The following MYOM1 variants were observed in gnomAD, a reference collection of about 807,000 sequenced individuals.
The protein encoded by MYOM1 is myomesin-1.
MYOM1 carries 164 observed loss-of-function variants against 205.3 expected under a neutral mutation model. That is an observed-to-expected ratio of 0.80 (90% confidence interval 0.70 to 0.91). MYOM1 has a LOEUF of 0.91. Ranked by LOEUF, MYOM1 falls within the 40% of genes least tolerant of loss-of-function variation. The probability of loss-of-function intolerance (pLI) is 0.00; values close to 1 mark genes in which losing one functional copy is unlikely to be tolerated. For missense variants in MYOM1, 2,011 were observed against 2,127.3 expected (o/e 0.95, Z 1.08); for synonymous variants, 772 against 789.4 (o/e 0.98, Z 0.37).
At chr18:3,146,458 C>T (rs986729751) in intron 13 of MYOM1, among the ~76,000 whole-genome samples, 9 of 151,996 alleles carry the variant, frequency 5.9e-5, no homozygotes, top group African/African-American at 1.4e-4. Flanking sequence ...TATTTTATTT[C>T]GGTTTAATAA....
At chr18:3,151,410 T>C (rs1456531114) in intron 12 of MYOM1, among the ~76,000 whole-genome samples, 1 of 150,372 alleles carries the variant, frequency 6.7e-6, no homozygotes, top group East Asian at 1.9e-4. Flanking sequence ...GGAACTCAGT[T>C]TAACAACATA....
At chr18:3,151,095 A>C (rs1228203345) in intron 12 of MYOM1, among the ~76,000 whole-genome samples, 1 of 145,248 alleles carries the variant, frequency 6.9e-6, no homozygotes, top group East Asian at 2.0e-4. Context: ...CTCCCACCTT[A>C]GCCTCTCCAA....
At chr18:3,153,221 G>A (rs139606663) in intron 11 of MYOM1, among the ~76,000 whole-genome samples, 3 of 152,324 alleles carry the variant, frequency 2.0e-5, no homozygotes, top group Admixed American at 6.5e-5. Flanking sequence ...TCCGCAGCAC[G>A]TTGGAGCAGA....
At chr18:3,077,105 T>G (rs974386378) in intron 34 of MYOM1, among the ~76,000 whole-genome samples, 1 of 151,756 alleles carries the variant, frequency 6.6e-6, no homozygotes, top group Non-Finnish European at 1.5e-5. Context: ...CTCGAACTCC[T>G]GGGCTCACAT....
intron 3 of MYOM1, 70 bp downstream of exon 3, chr18:3,193,748 A>T (rs2080952570): frequency 6.9e-7 from 1 of 1,444,712 alleles, no homozygotes; most frequent in African/African-American, 1.4e-5. Context: ...TATGACTATA[A>T]TCTGCCATTC....
the MYOM1 span, among the ~76,000 whole-genome samples, chr18:3,244,957 GA>G: frequency 7.0e-3 from 991 of 141,062 alleles, 14 homozygotes; most frequent in Middle Eastern, 0.033. Context: ...ATTTAAAAAG[GA>G]AAAAAAAAAA....
chr18:3,128,397 T>C (rs1029431357), intron 18 of MYOM1, among the ~76,000 whole-genome samples: 6 of 152,228 alleles, frequency 3.9e-5, no homozygotes, highest in Non-Finnish European at 5.9e-5. Context: ...CAGTTCATTG[T>C]TGTTTGATAG....
intron 2 of MYOM1, 78 bp downstream of exon 2, chr18:3,214,856 G>A (rs904386804): frequency 9.0e-6 from 13 of 1,449,968 alleles, no homozygotes; most frequent in South Asian, 2.9e-5. Flanking sequence ...GAAACAAAGC[G>A]AGAAGTAACT....
chr18:3,138,267 G>A (rs2079998787), intron 14 of MYOM1, among the ~76,000 whole-genome samples: 2 of 152,304 alleles, frequency 1.3e-5, no homozygotes, highest in African/African-American at 4.8e-5. Context: ...AGACTTTTCT[G>A]AAGTCCAGAT....
chr18:3,197,540 T>C (rs1464361290), intron 2 of MYOM1, among the ~76,000 whole-genome samples: 1 of 152,054 alleles, frequency 6.6e-6, no homozygotes, highest in Admixed American at 6.6e-5. Flanking sequence ...ATTCAATCAA[T>C]AGAAAAATAC....
At chr18:3,091,311 T>C (rs1206605141) in intron 26 of MYOM1, among the ~76,000 whole-genome samples, 1 of 150,904 alleles carries the variant, frequency 6.6e-6, no homozygotes, top group Non-Finnish European at 1.5e-5. Flanking sequence ...AGCAAAACTC[T>C]GTCTAAAAAA....
the MYOM1 span, among the ~76,000 whole-genome samples, chr18:3,238,690 G>T: frequency 2.0e-4 from 31 of 152,228 alleles, no homozygotes; most frequent in Admixed American, 1.0e-3. Context: ...TTACAATCTT[G>T]TAGGTTGGAA....
chr18:3,191,695 C>CTT (rs1405479889), intron 3 of MYOM1, among the ~76,000 whole-genome samples: 1 of 145,008 alleles, frequency 6.9e-6, no homozygotes, highest in Non-Finnish European at 1.5e-5. Context: ...TTCTTCACAT[C>CTT]TTTTTTTTTT....
intron 37 of MYOM1, among the ~76,000 whole-genome samples, chr18:3,071,182 C>T (rs1280115317): frequency 6.6e-6 from 1 of 152,176 alleles, no homozygotes; most frequent in Non-Finnish European, 1.5e-5. Context: ...ATATTCCACT[C>T]TGTTGGAGGT....
chr18:3,212,968 C>T (rs543822998), intron 2 of MYOM1, among the ~76,000 whole-genome samples: 6 of 152,282 alleles, frequency 3.9e-5, no homozygotes, highest in South Asian at 2.1e-4. Context: ...ATTGAGACTG[C>T]GAAGTGATCC....
At chr18:3,113,622 C>T (rs1272043558) in intron 21 of MYOM1, among the ~76,000 whole-genome samples, 1 of 152,146 alleles carries the variant, frequency 6.6e-6, no homozygotes, top group East Asian at 1.9e-4. Flanking sequence ...AGTGAGCCAC[C>T]ATGCCTGGTT....
chr18:3,126,095 C>T (rs1003020947), intron 19 of MYOM1, among the ~76,000 whole-genome samples: 19 of 151,722 alleles, frequency 1.3e-4, no homozygotes, highest in Non-Finnish European at 2.7e-4. Flanking sequence ...ATGGTGAAAC[C>T]CTCTACTAAA....
At position 3,174,189 on chromosome 18, in the gene MYOM1, C is replaced by A. The variant is rs547286218; in HGVS notation, c.1042G>T (p.Ala348Ser). The change falls in exon 7 of 38, where the codon GCT (alanine) becomes TCT (serine). Residue 348 changes from alanine to serine, a missense_variant. Coordinates refer to ENST00000356443, the MANE Select transcript of MYOM1 (RefSeq NM_003803.4). ...EINGCDFEDT[A>S]QYRASAMNVK... ...TTCATCGCCGAGGCCCGGTACTGAG[C>A]TGTATCTTCAAAATCACATCTGAAA... 1.2e-6 allele frequency: 2 copies of A among 1,613,522 alleles called. No individual in the cohort carries two copies. Among genetic ancestry groups the A allele is most frequent in the Non-Finnish European group, 1.7e-6 (2 of 1,179,758 alleles).
At chr18:3,132,174 C>G (rs112795454) in intron 16 of MYOM1, among the ~76,000 whole-genome samples, 4,577 of 147,978 alleles carry the variant, frequency 0.031, 225 homozygotes, top group African/African-American at 0.11. Flanking sequence ...TATTTTGAGA[C>G]GGAGTCTCGC....
Sources: gnomAD v4.1 joint callset for allele counts (sites outside exome capture counted in the v4.1 genomes callset) on GRCh38, gnomAD v4.1.1 for gene constraint, MANE v1.5 for transcripts, NCBI Gene and HGNC (gene_info 2026-07-23, HGNC 2026-07-21) for gene names.